PTPRD: variants seen among roughly 807,000 people sequenced by gnomAD.
PTPRD encodes protein tyrosine phosphatase receptor type D.
In PTPRD, 34 loss-of-function variants were observed where a neutral mutation model predicts 214.5. The ratio of observed to expected loss-of-function variants is 0.16; its 90% CI spans 0.12 to 0.21. The LOEUF is 0.21. PTPRD is among the 10% of genes least tolerant of loss of function. PTPRD has a pLI of 1.00. For synonymous variants in PTPRD, 1,128 were observed against 845.7 expected, an observed-to-expected ratio of 1.33 and a Z score of -5.79; for missense variants, 2,545 against 2,398.7, an observed-to-expected ratio of 1.06 and a Z score of -1.27.
chr9:10,368,507 C>A (rs755454193), intron 2 of PTPRD, among the ~76,000 whole-genome samples: 2 of 151,844 alleles, frequency 1.3e-5, no homozygotes, highest in Non-Finnish European at 2.9e-5. Context: ...TTGTTTAAAT[C>A]GATAAATTAG....
At chr9:9,949,708 C>A (rs138359148) in intron 4 of PTPRD, among the ~76,000 whole-genome samples, 16 of 151,712 alleles carry the variant, frequency 1.1e-4, no homozygotes, top group East Asian at 3.9e-4. Flanking sequence ...ACAACAACAA[C>A]AAAAAAAATG....
intron 2 of PTPRD, among the ~76,000 whole-genome samples, chr9:10,473,823 C>T (rs1452907248): frequency 1.3e-5 from 2 of 151,936 alleles, no homozygotes; most frequent in South Asian, 2.1e-4. Context: ...TAAATTATTG[C>T]CCCATTGTTT....
intron 2 of PTPRD, among the ~76,000 whole-genome samples, chr9:10,473,800 T>A (rs2099046102): frequency 6.6e-6 from 1 of 152,098 alleles, no homozygotes; most frequent in Non-Finnish European, 1.5e-5. Context: ...CTTGAAACAT[T>A]CTTGGATCAT....
At chr9:8,991,444 C>T (rs991613766) in intron 11 of PTPRD, among the ~76,000 whole-genome samples, 2 of 152,002 alleles carry the variant, frequency 1.3e-5, no homozygotes, top group African/African-American at 4.8e-5. Context: ...GAATAAATCC[C>T]TTGCCTTATT....
intron 11 of PTPRD, among the ~76,000 whole-genome samples, chr9:8,824,380 G>A (rs1229725827): frequency 2.0e-5 from 3 of 152,158 alleles, no homozygotes; most frequent in Non-Finnish European, 4.4e-5. Context: ...TAGGGGCGAT[G>A]ATATTTTGGC....
At position 10,023,428 on chromosome 9, in the gene PTPRD, C is replaced by T. The variant is rs2096860944; in HGVS notation, c.-472+10290G>A. Reference sequence around the variant, plus strand: ...TCCGTCCTTTTGTGAAAACAAAATTCAATTCTGCACATGATTTCTTCCACG... The same window carrying T: ...TCCGTCCTTTTGTGAAAACAAAATTTAATTCTGCACATGATTTCTTCCACG... On this transcript the variant is annotated intron_variant, in intron 4 of 45. Transcript: ENST00000381196. 2.0e-5 allele frequency among the ~76,000 whole-genome samples: 3 copies of T among 152,146 alleles called. No homozygotes were observed. The South Asian group carries it at 6.2e-4, about 31-fold the overall frequency.
chr9:9,190,523 T>C (rs1233615862), intron 9 of PTPRD, among the ~76,000 whole-genome samples: 1 of 152,074 alleles, frequency 6.6e-6, no homozygotes, highest in Non-Finnish European at 1.5e-5. Context: ...TTCTCAGGTA[T>C]GTCTTTATCA....
At chr9:9,441,520 G>A (rs746543691) in intron 8 of PTPRD, among the ~76,000 whole-genome samples, 10 of 152,158 alleles carry the variant, frequency 6.6e-5, no homozygotes, top group South Asian at 2.1e-4. Context: ...TGATGATGGA[G>A]GGAGAAACTA....
chr9:9,711,793 C>G (rs1047452898), intron 7 of PTPRD, among the ~76,000 whole-genome samples: 4 of 152,128 alleles, frequency 2.6e-5, no homozygotes, highest in Admixed American at 2.0e-4. Flanking sequence ...GACCGAAAAA[C>G]TCTGCCTTTC....
At chr9:9,311,632 C>A (rs145296490) in intron 9 of PTPRD, among the ~76,000 whole-genome samples, 41 of 152,216 alleles carry the variant, frequency 2.7e-4, no homozygotes, top group African/African-American at 9.4e-4. Context: ...TCTAAACCTA[C>A]CCCATAATTA....
intron 5 of PTPRD, among the ~76,000 whole-genome samples, chr9:9,929,481 C>T (rs1334893125): frequency 1.3e-5 from 2 of 152,186 alleles, no homozygotes; most frequent in Non-Finnish European, 2.9e-5. Flanking sequence ...GCAACCTCTG[C>T]CTCCTGGGTT....
At chr9:9,529,872 ACT>A (rs1294216969) in intron 8 of PTPRD, among the ~76,000 whole-genome samples, 4 of 151,642 alleles carry the variant, frequency 2.6e-5, no homozygotes, top group Non-Finnish European at 5.9e-5. Context: ...ATATATTTAC[ACT>A]CTATATAAAT....
chr9:8,460,381 A>G (rs1174554794), intron 33 of PTPRD, 30 bp downstream of exon 33: 1 of 1,608,248 alleles, frequency 6.2e-7, no homozygotes. Flanking sequence ...CAGCCTCCAA[A>G]ATTACAACAG....
At chr9:9,112,313 T>C (rs1365924665) in intron 10 of PTPRD, among the ~76,000 whole-genome samples, 3 of 152,120 alleles carry the variant, frequency 2.0e-5, no homozygotes, top group Non-Finnish European at 4.4e-5. Context: ...GATGACTGTT[T>C]TAGAGGTAGA....
intron 3 of PTPRD, among the ~76,000 whole-genome samples, chr9:10,256,911 C>T (rs1324900885): frequency 6.6e-6 from 1 of 152,160 alleles, no homozygotes. Context: ...CATCTTAGTT[C>T]CATCACTTCC....
At chr9:9,087,619 T>G (rs752045850) in intron 10 of PTPRD, among the ~76,000 whole-genome samples, 117 of 151,650 alleles carry the variant, frequency 7.7e-4, no homozygotes, top group Non-Finnish European at 7.7e-4. Flanking sequence ...TGTGCTAGAG[T>G]TCATCACATA....
At chr9:8,769,303 C>T (rs553732841) in intron 11 of PTPRD, among the ~76,000 whole-genome samples, 16 of 152,224 alleles carry the variant, frequency 1.1e-4, no homozygotes, top group African/African-American at 2.4e-4. Context: ...TTCCTCACAA[C>T]GCTACAGTTT....
At chr9:10,376,511 T>C (rs2097731460) in intron 2 of PTPRD, among the ~76,000 whole-genome samples, 1 of 151,672 alleles carries the variant, frequency 6.6e-6, no homozygotes, top group South Asian at 2.1e-4. Context: ...GGAAACATAA[T>C]TCGTTACTTG....
chr9:10,196,145 T>C (rs2099397147), intron 3 of PTPRD, among the ~76,000 whole-genome samples: 1 of 152,192 alleles, frequency 6.6e-6, no homozygotes, highest in Non-Finnish European at 1.5e-5. Flanking sequence ...TGAACTTTAA[T>C]GCATGGACTT....
Sources: gnomAD v4.1 joint callset for allele counts (sites outside exome capture counted in the v4.1 genomes callset) on GRCh38, gnomAD v4.1.1 for gene constraint, MANE v1.5 for transcripts, NCBI Gene and HGNC (gene_info 2026-07-23, HGNC 2026-07-21) for gene names.